Variants in WDR64 observed in about 807,000 individuals in gnomAD.
WDR64 encodes WD repeat-containing protein 64.
Under a neutral mutation model 139.3 loss-of-function variants are expected in WDR64, and 112 were observed. That is an observed-to-expected ratio of 0.80 (90% CI 0.69 to 0.94). The LOEUF is 0.94. Among genes scored for constraint, WDR64 ranks in the 40% least tolerant of loss-of-function variants. The probability of loss-of-function intolerance (pLI) is 0.00; values close to 1 mark genes in which losing one functional copy is unlikely to be tolerated. For synonymous variants in WDR64, 444 were observed against 437.7 expected, an observed-to-expected ratio of 1.01 and a Z score of -0.18; for missense variants, 1,206 against 1,293.1, an observed-to-expected ratio of 0.93 and a Z score of 1.03.
At chr1:241,694,118 A>G (rs1667401211) in intron 8 of WDR64, among the ~76,000 whole-genome samples, 1 of 151,878 alleles carries the variant, frequency 6.6e-6, no homozygotes, top group South Asian at 2.1e-4. Flanking sequence ...CAAAAAAAAA[A>G]GAGTCACAAA....
chr1:241,761,191 C>T (rs1657877063), intron 15 of WDR64, among the ~76,000 whole-genome samples: 3 of 151,982 alleles, frequency 2.0e-5, no homozygotes, highest in Admixed American at 2.0e-4. Context: ...TATACTTGAA[C>T]AAGTGAGAGC....
intron 25 of WDR64, among the ~76,000 whole-genome samples, chr1:241,792,350 C>A (rs1574100578): frequency 6.6e-6 from 1 of 152,084 alleles, no homozygotes; most frequent in East Asian, 1.9e-4. Context: ...TCCTGACTAA[C>A]ATGGTGAAAC....
intron 15 of WDR64, among the ~76,000 whole-genome samples, chr1:241,763,738 A>C (rs1658025384): frequency 6.6e-6 from 1 of 152,106 alleles, no homozygotes; most frequent in African/African-American, 2.4e-5. Flanking sequence ...TTAGGAAAAA[A>C]ATTTGATTGT....
intron 1 of WDR64, among the ~76,000 whole-genome samples, chr1:241,658,284 G>GGTGT (rs56011225): frequency 0.24 from 34,426 of 146,450 alleles, 4,290 homozygotes; most frequent in East Asian, 0.48. Flanking sequence ...TTCAAGCAAT[G>GGTGT]GTGTGTGTGT....
At chr1:241,790,729 C>G (rs769937805) in intron 25 of WDR64, 33 bp downstream of exon 25, 1 of 1,353,746 alleles carries the variant, frequency 7.4e-7, no homozygotes, top group South Asian at 1.3e-5. Flanking sequence ...AAAGAAATGG[C>G]AACAACAACA....
At chr1:241,749,326 C>T (rs1558505919) in intron 13 of WDR64, among the ~76,000 whole-genome samples, 1 of 152,116 alleles carries the variant, frequency 6.6e-6, no homozygotes, top group East Asian at 1.9e-4. Context: ...TTGCCTGGTC[C>T]TGTTTATTTA....
chr1:241,731,192 A>G (rs146019678), intron 10 of WDR64, among the ~76,000 whole-genome samples: 3 of 152,142 alleles, frequency 2.0e-5, no homozygotes, highest in Non-Finnish European at 4.4e-5. Context: ...GCATTCACAA[A>G]CAGAATACTA....
chr1:241,664,814 G>T (rs1665968336), intron 2 of WDR64, among the ~76,000 whole-genome samples: 2 of 152,072 alleles, frequency 1.3e-5, no homozygotes, highest in South Asian at 2.1e-4. Context: ...TCACAAAAAG[G>T]TTAATTGACT....
chr1:241,694,591 C>G (rs899485377), intron 8 of WDR64, among the ~76,000 whole-genome samples: 2 of 152,150 alleles, frequency 1.3e-5, no homozygotes, highest in Non-Finnish European at 2.9e-5. Flanking sequence ...TGATTATATA[C>G]TATGCTGGCA....
chr1:241,723,214 T>TA (rs1668670805), intron 9 of WDR64, 83 bp from the exon 10 acceptor site: 5 of 1,517,026 alleles, frequency 3.3e-6, no homozygotes, highest in Non-Finnish European at 4.5e-6. Flanking sequence ...CGAAGAAAGA[T>TA]ACGGGTATGA....
At chr1:241,753,482 T>C (rs759818121) in intron 14 of WDR64, among the ~76,000 whole-genome samples, 6 of 152,132 alleles carry the variant, frequency 3.9e-5, no homozygotes, top group Admixed American at 6.5e-5. Context: ...GGCAGGCAGA[T>C]TGCTTGAGGC....
chr1:241,670,961 GGGTGCT>G (rs1485745434), intron 2 of WDR64, 107 bp from the exon 3 acceptor site: 4 of 703,960 alleles, frequency 5.7e-6, no homozygotes, highest in Non-Finnish European at 9.1e-6. Flanking sequence ...TCACAAAGCA[GGGTGCT>G]GGCTGTTAAT....
chr1:241,762,727 T>C (rs559637159), intron 15 of WDR64, among the ~76,000 whole-genome samples: 7 of 151,646 alleles, frequency 4.6e-5, no homozygotes, highest in South Asian at 2.1e-4. Flanking sequence ...ACAACCATAA[T>C]ATAATTTATT....
In WDR64 at chr1:241,801,674, C is replaced by T. The variant is rs1266916836; in HGVS notation, c.*459C>T. 1 of 398,428 alleles carries T rather than the reference C, an allele frequency of 2.5e-6. No individual in the cohort carries two copies. Among genetic ancestry groups the T allele is most frequent in the Non-Finnish European group, 4.4e-6 (1 of 226,120 alleles). 24.7% of individuals were successfully genotyped at this position (398,428 alleles called of 1,614,324 possible). A position where few individuals can be genotyped will look rare whatever the true frequency, so the allele number is the denominator to read the frequency against. ...ACCAGTCAGATCTCTAGATGTTTGTCTTCTTCATTTAGAGAAATATTATCT... is the reference window on the plus strand; with the variant it reads ...ACCAGTCAGATCTCTAGATGTTTGTTTTCTTCATTTAGAGAAATATTATCT... On this transcript the variant is annotated 3_prime_UTR_variant, in exon 28 of 28. Coordinates refer to ENST00000437684, the MANE Select transcript of WDR64 (RefSeq NM_001367482.1).
rs1340043089 is a variant in WDR64, at chr1:241,685,580, AT to A, written c.839+1880del. Among the ~76,000 whole-genome samples the A allele has an allele frequency of 2.0e-5, 3 of 152,240 alleles. No homozygotes were observed. In the East Asian group the frequency reaches 5.8e-4, roughly 29 times the overall value. On this transcript the variant is annotated intron_variant, in intron 7 of 27. Transcript: ENST00000437684. ...TTTGTACAATGAACATTTTTTCCTT[AT>A]AAAGACATTAAAAAATGGATTATAC...
At chr1:241,773,920 T>C (rs895368279) in intron 20 of WDR64, among the ~76,000 whole-genome samples, 1 of 152,222 alleles carries the variant, frequency 6.6e-6, no homozygotes, top group African/African-American at 2.4e-5. Context: ...GTGAGAACAC[T>C]GAAATGTTGA....
rs773205860 is a variant in WDR64, at chr1:241,772,789, T to C, written c.2291-3T>C. On this transcript the variant is annotated splice_region_variant and splice_polypyrimidine_tract_variant and intron_variant, in intron 19 of 27. Transcript: ENST00000437684. ...CATGATAGTTCATTAATTTCTCGAA[T>C]AGGTGAACAAACAGATGTAATGGTG... 9 of 1,551,726 alleles carry C rather than the reference T, an allele frequency of 5.8e-6. No homozygotes were observed. In the South Asian group the frequency reaches 5.9e-5, roughly 10 times the overall value.
intron 2 of WDR64, among the ~76,000 whole-genome samples, chr1:241,666,038 A>G (rs1298192133): frequency 6.6e-6 from 1 of 152,196 alleles, no homozygotes; most frequent in Non-Finnish European, 1.5e-5. Context: ...TATGTTCTAC[A>G]ATGAACATAT....
At chr1:241,722,318 A>C (rs1010664670) in intron 9 of WDR64, among the ~76,000 whole-genome samples, 1 of 152,198 alleles carries the variant, frequency 6.6e-6, no homozygotes, top group Non-Finnish European at 1.5e-5. Flanking sequence ...TATATCATTG[A>C]TGGCCTTGGG....
Sources: gnomAD v4.1 joint callset for allele counts (sites outside exome capture counted in the v4.1 genomes callset) on GRCh38, gnomAD v4.1.1 for gene constraint, MANE v1.5 for transcripts, NCBI Gene and HGNC (gene_info 2026-07-23, HGNC 2026-07-21) for gene names.